SCUBE1: variants seen among roughly 807,000 people sequenced by gnomAD.
SCUBE1 encodes the protein signal peptide, CUB and EGF-like domain-containing protein 1.
SCUBE1 carries 59 observed loss-of-function variants against 124.4 expected under a neutral mutation model. The observed-to-expected ratio is 0.47, with a 90% CI of 0.38 to 0.59. The LOEUF (loss-of-function observed/expected upper bound fraction) is 0.59, where lower values mean the gene tolerates loss of function less well. SCUBE1 is among the 20% of genes least tolerant of loss of function. The pLI is 0.00. For synonymous variants in SCUBE1, 545 were observed against 550.9 expected (o/e 0.99, Z 0.15); for missense variants, 1,150 against 1,371.2 (o/e 0.84, Z 2.55).
intron 3 of SCUBE1, among the ~76,000 whole-genome samples, chr22:43,295,094 C>A (rs962821037): frequency 6.6e-6 from 1 of 152,184 alleles, no homozygotes; most frequent in Non-Finnish European, 1.5e-5. Context: ...CCCTCCCTCT[C>A]CTCCCGCAGG....
At chr22:43,217,437 C>G (rs972307495) in intron 15 of SCUBE1, among the ~76,000 whole-genome samples, 20 of 152,054 alleles carry the variant, frequency 1.3e-4, no homozygotes, top group Admixed American at 4.6e-4. Flanking sequence ...TTGGCCAAAC[C>G]CTTGGAGTCG....
chr22:43,215,558 G>C (rs908070283), intron 15 of SCUBE1, among the ~76,000 whole-genome samples: 4 of 152,220 alleles, frequency 2.6e-5, no homozygotes, highest in African/African-American at 9.6e-5. Context: ...AGCCAGTGGC[G>C]GGCTGGGGGT....
intron 3 of SCUBE1, among the ~76,000 whole-genome samples, chr22:43,296,042 T>C (rs1925545861): frequency 6.6e-6 from 1 of 152,148 alleles, no homozygotes; most frequent in Non-Finnish European, 1.5e-5. Flanking sequence ...AGGAGAGTTC[T>C]GGAAGCAACC....
chr22:43,228,607 C>T (rs989246089), intron 9 of SCUBE1, among the ~76,000 whole-genome samples: 5 of 152,196 alleles, frequency 3.3e-5, no homozygotes, highest in Admixed American at 1.3e-4. Context: ...GGCTGCCTCT[C>T]GGTCCTTCTG....
intron 16 of SCUBE1, 73 bp downstream of exon 16, chr22:43,214,017 A>AG: frequency 8.1e-7 from 1 of 1,232,146 alleles, no homozygotes; most frequent in Non-Finnish European, 1.1e-6. Context: ...CTTCGACAGG[A>AG]GGGCCTCATC....
chr22:43,212,300 A>G, intron 17 of SCUBE1, 125 bp downstream of exon 17: 1 of 1,094,216 alleles, frequency 9.1e-7, no homozygotes, highest in Non-Finnish European at 1.3e-6. Flanking sequence ...TGACAGCTCC[A>G]GGCTCCTCCT....
At chr22:43,232,933 A>G (rs1922614168) in intron 7 of SCUBE1, among the ~76,000 whole-genome samples, 1 of 152,184 alleles carries the variant, frequency 6.6e-6, no homozygotes, top group Non-Finnish European at 1.5e-5. Context: ...TCCAAGGGAC[A>G]CAGTCTCAGC....
intron 3 of SCUBE1, among the ~76,000 whole-genome samples, chr22:43,305,953 T>G (rs1356280558): frequency 1.3e-5 from 2 of 152,060 alleles, no homozygotes; most frequent in African/African-American, 4.8e-5. Flanking sequence ...GTGGTTGGGA[T>G]GAGGTGGGTG....
chr22:43,234,150 C>T lies in SCUBE1; in HGVS notation c.845-2275G>A, dbSNP rs2146681427. Among the ~76,000 whole-genome samples the T allele has an allele frequency of 6.6e-6, 1 of 152,112 alleles. No homozygotes were observed. The highest frequency in any genetic ancestry group is 1.9e-4 in the East Asian group (1 of 5,168). On this transcript the variant is annotated intron_variant, in intron 7 of 21. Transcript: ENST00000360835. This position sits in a 1 kb window ranked among gnomAD's most constrained non-coding sequence, Gnocchi z 4.4. ...GCTTAGGAATCTCTATCATTCCTTC[C>T]CCCCGAGCCCCGGGATTATAGGCAG...
At chr22:43,206,179 A>C (rs1273228463) in intron 21 of SCUBE1, among the ~76,000 whole-genome samples, 5 of 58,728 alleles carry the variant, frequency 8.5e-5, no homozygotes, top group African/African-American at 2.8e-4. Context: ...CCACACACCC[A>C]CCACACCCCC....
chr22:43,288,652 C>T (rs1413435143), intron 4 of SCUBE1, among the ~76,000 whole-genome samples: 2 of 152,378 alleles, frequency 1.3e-5, no homozygotes, highest in East Asian at 3.9e-4. Context: ...CCGTCTGCTG[C>T]ACCACCCGTT....
At chr22:43,304,892 C>T (rs1925909532) in intron 3 of SCUBE1, among the ~76,000 whole-genome samples, 1 of 152,158 alleles carries the variant, frequency 6.6e-6, no homozygotes, top group Admixed American at 6.5e-5. Context: ...ACACAAAGGA[C>T]ACCATAGTGG....
At chr22:43,294,676 T>C (rs149454444) in intron 3 of SCUBE1, among the ~76,000 whole-genome samples, 1 of 152,320 alleles carries the variant, frequency 6.6e-6, no homozygotes, top group African/African-American at 2.4e-5. Flanking sequence ...CTCCCAGAGC[T>C]TGAGGGATTG....
At chr22:43,244,957 C>A (rs1455986889) in intron 6 of SCUBE1, among the ~76,000 whole-genome samples, 1 of 152,262 alleles carries the variant, frequency 6.6e-6, no homozygotes, top group Admixed American at 6.5e-5. Flanking sequence ...ACAGAAGCTG[C>A]GGTGAAAAGG....
intron 4 of SCUBE1, among the ~76,000 whole-genome samples, chr22:43,266,506 GA>G (rs1272733683): frequency 1.3e-5 from 2 of 152,194 alleles, no homozygotes; most frequent in Non-Finnish European, 2.9e-5. Context: ...CGGAACCACA[GA>G]AGGTCAGGGT....
Position 43,210,225 on chromosome 22 carries a change from C to T in SCUBE1, c.2399G>A (p.Gly800Asp). The change falls in exon 19 of 22, where the codon GGC (glycine) becomes GAC (aspartate). Residue 800 changes from glycine to aspartate, a missense_variant. Coordinates refer to ENST00000360835, the MANE Select transcript of SCUBE1 (RefSeq NM_173050.5). This position sits in a 1 kb window ranked among gnomAD's most constrained non-coding sequence, Gnocchi z 4.5. ...GTAGCCGGTGTAGTCACCAAGCTCG[C>T]CGCCGCAGTGCTGGTCTGTGGGCAC... ...VTHCKNQHCG[G>D]ELGDYTGYIE... 2 of 1,559,430 alleles carry T rather than the reference C, an allele frequency of 1.3e-6. No homozygotes were observed. Among genetic ancestry groups the T allele is most frequent in the Non-Finnish European group, 8.7e-7 (1 of 1,154,290 alleles).
At chr22:43,221,505 G>GTCAAGC (rs1227115981) in intron 12 of SCUBE1, among the ~76,000 whole-genome samples, 1 of 152,072 alleles carries the variant, frequency 6.6e-6, no homozygotes, top group African/African-American at 2.4e-5. Context: ...GGATGGTGGG[G>GTCAAGC]TCAAGCTCAA....
chr22:43,325,944 T>G (rs1456216486), intron 2 of SCUBE1, among the ~76,000 whole-genome samples: 1 of 151,972 alleles, frequency 6.6e-6, no homozygotes, highest in East Asian at 1.9e-4. Context: ...TTTTTTTTTT[T>G]TTAATCATTT....
chr22:43,206,550 C>T (rs1921290383), intron 21 of SCUBE1, among the ~76,000 whole-genome samples: 1 of 152,146 alleles, frequency 6.6e-6, no homozygotes, highest in Admixed American at 6.5e-5. Flanking sequence ...ACCTAAGGGG[C>T]TGCAAAGGGT....
Sources: gnomAD v4.1 joint callset for allele counts (sites outside exome capture counted in the v4.1 genomes callset) on GRCh38, gnomAD v4.1.1 for gene constraint, Gnocchi (gnomAD v3.1) non-coding constraint, MANE v1.5 for transcripts, NCBI Gene and HGNC (gene_info 2026-07-23, HGNC 2026-07-21) for gene names.